PLEKHG3: variants seen among roughly 807,000 people sequenced by gnomAD.
PLEKHG3 encodes pleckstrin homology and RhoGEF domain containing G3, also known as pleckstrin homology domain-containing family G member 3.
PLEKHG3 carries 62 observed loss-of-function variants against 94.9 expected under a neutral mutation model. That is an observed-to-expected ratio of 0.65 (90% CI 0.53 to 0.81). The LOEUF (loss-of-function observed/expected upper bound fraction) is 0.81. PLEKHG3 is among the 30% of genes least tolerant of loss of function. The pLI is 0.00. For missense variants in PLEKHG3, 1,461 were observed against 1,619.3 expected (o/e 0.90, Z 1.68); for synonymous variants, 614 against 654.0 (o/e 0.94, Z 0.93).
At chr14:64,706,135 G>T (rs1294794249) in intron 1 of PLEKHG3, among the ~76,000 whole-genome samples, 1 of 152,226 alleles carries the variant, frequency 6.6e-6, no homozygotes, top group Non-Finnish European at 1.5e-5. Flanking sequence ...GGCAGGGGAA[G>T]TGGAAAGAGC....
chr14:64,740,779 C>T (rs903731587), intron 15 of PLEKHG3, among the ~76,000 whole-genome samples: 1 of 152,252 alleles, frequency 6.6e-6, no homozygotes, highest in Middle Eastern at 3.2e-3. Context: ...GCCATCCTGA[C>T]CCATCTGCAT....
At chr14:64,710,812 G>T (rs1200606718) in intron 1 of PLEKHG3, among the ~76,000 whole-genome samples, 1 of 151,262 alleles carries the variant, frequency 6.6e-6, no homozygotes, top group African/African-American at 2.4e-5. Flanking sequence ...AAGTGCCGGG[G>T]ATCTTTTTTT....
rs995013956 is a variant in PLEKHG3 at position 64,722,701 on chromosome 14, A to G, written c.-39-4892A>G. ...GGGCAGTGGATGAAATGACGACATC[A>G]GCCTCTGAACCAGAATGTTTTCTGG... On this transcript the variant is annotated intron_variant, in intron 1 of 16. Transcript: ENST00000247226. The surrounding 1 kb of genome is among the most constrained non-coding windows in gnomAD (Gnocchi z 4.3). Among the ~76,000 whole-genome samples, 5 of 152,190 alleles carry G rather than the reference A, an allele frequency of 3.3e-5. No homozygotes were observed. The highest frequency in any genetic ancestry group is 1.2e-4 in the African/African-American group (5 of 41,436).
In PLEKHG3 at chr14:64,716,550, C is replaced by CACAA. The variant is rs1415191711; in HGVS notation, c.-39-11042_-39-11041insCAAA. 2.8e-5 allele frequency among the ~76,000 whole-genome samples: 4 copies of CACAA among 142,836 alleles called. No individual in the cohort carries two copies. The South Asian group carries it at 9.0e-4, about 32-fold the overall frequency. 93.7% of individuals were successfully genotyped at this position (142,836 alleles called of 152,430 possible). A position where few individuals can be genotyped will look rare whatever the true frequency, so the allele number is the denominator to read the frequency against. Reference sequence around the variant, plus strand: ...ACACACACACACACACACACACACACAAAGCAGAGTTAATCTCCCACTTCT... The same window carrying CACAA: ...ACACACACACACACACACACACACACACAAAAAGCAGAGTTAATCTCCCACTTCT... On this transcript the variant is annotated intron_variant, in intron 1 of 16. Coordinates refer to ENST00000247226, the MANE Select transcript of PLEKHG3 (RefSeq NM_001308147.2). This position sits in a 1 kb window ranked among gnomAD's most constrained non-coding sequence, Gnocchi z 5.0.
In PLEKHG3 at chr14:64,733,164, C is replaced by CTTTT. The variant is rs112116298; in HGVS notation, c.1345+276_1345+279dup. On this transcript the variant is annotated intron_variant, in intron 12 of 16. Coordinates refer to ENST00000247226, the MANE Select transcript of PLEKHG3 (RefSeq NM_001308147.2). ...TTTTCTTTTCTTTTCTTTTCTTTTT[C>CTTTT]TTTTTTTTTTTTTTTTGAGAGATGG... 8.1e-5 allele frequency among the ~76,000 whole-genome samples: 11 copies of CTTTT among 135,364 alleles called. 1 individual carries two copies. The highest frequency in any genetic ancestry group is 6.0e-4 in the Admixed American group (8 of 13,384). The allele number at this position is 135,364 out of a possible 152,430, so 88.8% of individuals were successfully genotyped here.
chr14:64,707,075 T>A (rs1239594229), intron 1 of PLEKHG3, among the ~76,000 whole-genome samples: 1 of 152,202 alleles, frequency 6.6e-6, no homozygotes, highest in Non-Finnish European at 1.5e-5. Context: ...AGGCCACTGC[T>A]CTGTCCCGCC....
chr14:64,732,963 C>T lies in PLEKHG3; in HGVS notation c.1345+62C>T, dbSNP rs2081499592. 31 of 1,066,300 alleles carry T rather than the reference C, an allele frequency of 2.9e-5. 2 individuals are homozygous for T. The South Asian group carries it at 3.1e-4, about 11-fold the overall frequency. The allele number at this position is 1,066,300 out of a possible 1,614,324, so 66.1% of individuals were successfully genotyped here. A position where few individuals can be genotyped will look rare whatever the true frequency, so the allele number is the denominator to read the frequency against. ...TCACACCCTTGCCCAGACTGGGGAC[C>T]GTCTGCGGCAGTGTCCAGGGCTGTG... is the stretch of plus-strand genomic sequence containing the variant. On this transcript the variant is annotated intron_variant, in intron 12 of 16. Transcript: ENST00000247226. This position sits in a 1 kb window ranked among gnomAD's most constrained non-coding sequence, Gnocchi z 4.9.
chr14:64,736,710 T>G (rs2081577099), intron 12 of PLEKHG3, 143 bp from the exon 13 acceptor site: 2 of 715,466 alleles, frequency 2.8e-6, no homozygotes, highest in Non-Finnish European at 5.2e-6. Context: ...GGAAGGCAGC[T>G]TCCCTGGGGC....
At position 64,743,252 on chromosome 14, in the gene PLEKHG3, G is replaced by A. The variant is rs201046500; in HGVS notation, c.3209G>A (p.Arg1070Gln). The change falls in exon 17 of 17, where the codon CGG (arginine) becomes CAG (glutamine). Residue 1070 changes from arginine to glutamine, a missense_variant. Transcript: ENST00000247226. The surrounding 1 kb of genome is among the most constrained non-coding windows in gnomAD (Gnocchi z 7.2). ...RDEARRAGGG[R>Q]PRGPPVNRSH... is the part of the protein sequence containing the mutation. ...GAGGCACGCCGAGCAGGGGGCGGCC[G>A]GCCCCGCGGCCCACCCGTCAACAGG... 1.7e-3 allele frequency: 2,764 copies of A among 1,605,996 alleles called. 23 individuals carry two copies. The highest frequency in any genetic ancestry group is 8.2e-3 in the South Asian group (745 of 90,790).
Position 64,731,090 on chromosome 14 carries a change from A to T in PLEKHG3, c.770A>T (p.Asp257Val). The T allele has an allele frequency of 6.2e-7, 1 of 1,613,398 alleles. No individual in the cohort carries two copies. Among genetic ancestry groups the T allele is most frequent in the Non-Finnish European group, 8.5e-7 (1 of 1,179,500 alleles). The change falls in exon 7 of 17, where the codon GAT (aspartate) becomes GTT (valine). Residue 257 changes from aspartate to valine, a missense_variant. Coordinates refer to ENST00000247226, the MANE Select transcript of PLEKHG3 (RefSeq NM_001308147.2). This position sits in a 1 kb window ranked among gnomAD's most constrained non-coding sequence, Gnocchi z 6.1. Reference sequence around the variant, plus strand: ...GAGGATGGCTTTGAGGTGGTGGAGGATGCCATTGACACCATGACCTGTGTG... The same window carrying T: ...GAGGATGGCTTTGAGGTGGTGGAGGTTGCCATTGACACCATGACCTGTGTG... ...EEEDGFEVVE[D>V]AIDTMTCVAW...
In PLEKHG3 at chr14:64,720,245, C is replaced by A. The variant is rs1200917720; in HGVS notation, c.-39-7348C>A. 1.3e-5 allele frequency among the ~76,000 whole-genome samples: 2 copies of A among 152,210 alleles called. No individual in the cohort carries two copies. The highest frequency in any genetic ancestry group is 2.9e-5 in the Non-Finnish European group (2 of 68,040). ...TTGTGGCTGGTCACCTAGTATGTAG[C>A]CCAGCGGGGCAGCTATGCCGTGCTC... On this transcript the variant is annotated intron_variant, in intron 1 of 16. Coordinates refer to ENST00000247226, the MANE Select transcript of PLEKHG3 (RefSeq NM_001308147.2). This position sits in a 1 kb window ranked among gnomAD's most constrained non-coding sequence, Gnocchi z 4.1.
chr14:64,742,967 GCT>G lies in PLEKHG3; in HGVS notation c.2939-9_2939-8del. 1 of 1,613,040 alleles carries G rather than the reference GCT, an allele frequency of 6.2e-7. No individual in the cohort carries two copies. Among genetic ancestry groups the G allele is most frequent in the Non-Finnish European group, 8.5e-7 (1 of 1,179,780 alleles). On this transcript the variant is annotated splice_polypyrimidine_tract_variant and intron_variant, in intron 16 of 16. Transcript: ENST00000247226. ...TCCCGCCCCATGCTTCAGGCAGCTT[GCT>G]CTCTCCTCATAGGTAAGAGGAAGCC...
chr14:64,726,898 C>T lies in PLEKHG3; in HGVS notation c.-39-695C>T, dbSNP rs1223023357. ...TTGCAGTCTTAGGGAGAATATTACCCCTGTTATGTGTCTTGTCTTAACATT... is the reference window on the plus strand; with the variant it reads ...TTGCAGTCTTAGGGAGAATATTACCTCTGTTATGTGTCTTGTCTTAACATT... On this transcript the variant is annotated intron_variant, in intron 1 of 16. Coordinates refer to ENST00000247226, the MANE Select transcript of PLEKHG3 (RefSeq NM_001308147.2). The surrounding 1 kb of genome is among the most constrained non-coding windows in gnomAD (Gnocchi z 5.1). 6.6e-6 allele frequency among the ~76,000 whole-genome samples: 1 copy of T among 152,134 alleles called. No homozygotes were observed. Among genetic ancestry groups the T allele is most frequent in the African/African-American group, 2.4e-5 (1 of 41,412 alleles).
At chr14:64,729,335 C>G (rs1008825975) in intron 3 of PLEKHG3, among the ~76,000 whole-genome samples, 5 of 152,178 alleles carry the variant, frequency 3.3e-5, no homozygotes, top group Admixed American at 2.0e-4. Flanking sequence ...GCCGGTGCCC[C>G]CTCAAGGGGC....
rs1341690684 is a variant in PLEKHG3, at chr14:64,749,102, CAGCGCG to C, written c.*5400_*5405del. On this transcript the variant is annotated 3_prime_UTR_variant, in exon 17 of 17. Transcript: ENST00000247226. This position sits in a 1 kb window ranked among gnomAD's most constrained non-coding sequence, Gnocchi z 4.7. ...GGAGCCCCTGTCCCTGGAGCGGAGC[CAGCGCG>C]GGCGAGGGCATGGAGGGGGCGTCGG... The C allele has an allele frequency of 5.6e-6, 3 of 534,554 alleles. No homozygotes were observed. Among genetic ancestry groups the C allele is most frequent in the Non-Finnish European group, 6.4e-6 (2 of 313,970 alleles). 33.1% of individuals were successfully genotyped at this position (534,554 alleles called of 1,614,324 possible).
intron 1 of PLEKHG3, among the ~76,000 whole-genome samples, chr14:64,711,297 A>G (rs2081062810): frequency 1.3e-5 from 2 of 152,192 alleles, no homozygotes; most frequent in South Asian, 2.1e-4. Context: ...CAGCTGGCCA[A>G]AGTTTGACTG....
In PLEKHG3 at chr14:64,704,926, A is replaced by C. The variant is rs1269243010; in HGVS notation, c.-40+222A>C. ...GAGCGCAGGAGGGTCGTATGGGGAGACTTTTTCTGTCTTTTTTTCCCTCCA... is the reference window on the plus strand; with the variant it reads ...GAGCGCAGGAGGGTCGTATGGGGAGCCTTTTTCTGTCTTTTTTTCCCTCCA... On this transcript the variant is annotated intron_variant, in intron 1 of 16. Coordinates refer to ENST00000247226, the MANE Select transcript of PLEKHG3 (RefSeq NM_001308147.2). The surrounding 1 kb of genome is among the most constrained non-coding windows in gnomAD (Gnocchi z 5.6). Among the ~76,000 whole-genome samples the C allele has an allele frequency of 6.6e-6, 1 of 151,908 alleles. No individual in the cohort carries two copies. The highest frequency in any genetic ancestry group is 1.5e-5 in the Non-Finnish European group (1 of 67,990).
chr14:64,727,858 C>T lies in PLEKHG3; in HGVS notation c.227C>T (p.Ser76Phe). The stretch of plus-strand genomic sequence containing the variant: ...TGGTTGAACGTGAAGGGGCCCCTCT[C>T]CCCGTTCAACAGCCGGGCAGCGGCA... ...SSWLNVKGPLSPFNSRAAAGP... is the reference protein window; with the variant it reads ...SSWLNVKGPLFPFNSRAAAGP... The change falls in exon 2 of 17, where the codon TCC becomes TTC. Residue 76 changes from serine (S) to phenylalanine (F), a missense_variant. Ser to Phe is a radical substitution (Grantham distance 155). Around this residue, in one of 3 missense-constraint regions of PLEKHG3, gnomAD observed 253 missense variants for 297.8 expected, o/e 0.85. Transcript: ENST00000247226. The surrounding 1 kb of genome is among the most constrained non-coding windows in gnomAD (Gnocchi z 6.0). 1 of 1,613,406 alleles carries T rather than the reference C, an allele frequency of 6.2e-7. No homozygotes were observed. The highest frequency in any genetic ancestry group is 1.1e-5 in the South Asian group (1 of 91,062).
Position 64,738,137 on chromosome 14 carries a change from G to A in PLEKHG3, c.1405-605G>A. On this transcript the variant is annotated intron_variant, in intron 14 of 16. Transcript: ENST00000247226. This position sits in a 1 kb window ranked among gnomAD's most constrained non-coding sequence, Gnocchi z 4.8. ...AGGAGAGCCTGGCGGTGGCGGAGCAGGTAGCCGACTTTGCCAGCTCCCTGC... is the reference window on the plus strand; with the variant it reads ...AGGAGAGCCTGGCGGTGGCGGAGCAAGTAGCCGACTTTGCCAGCTCCCTGC... 1 of 1,299,048 alleles carries A rather than the reference G, an allele frequency of 7.7e-7. No individual in the cohort carries two copies. The highest frequency in any genetic ancestry group is 1.5e-5 in the African/African-American group (1 of 66,612). The allele number at this position is 1,299,048 out of a possible 1,614,324, so 80.5% of individuals were successfully genotyped here.
Sources: gnomAD v4.1 joint callset for allele counts (sites outside exome capture counted in the v4.1 genomes callset) on GRCh38, gnomAD v4.1.1 for gene constraint, gnomAD v4.1.1 regional missense constraint, Gnocchi (gnomAD v3.1) non-coding constraint, MANE v1.5 for transcripts, NCBI Gene and HGNC (gene_info 2026-07-23, HGNC 2026-07-21) for gene names.